The following DCLK2 variants were observed in gnomAD, a reference collection of about 807,000 sequenced individuals.
The protein encoded by DCLK2 is doublecortin like kinase 2.
DCLK2 carries 31 observed loss-of-function variants against 78.4 expected under a neutral mutation model. That is an observed-to-expected ratio of 0.40 (90% CI 0.30 to 0.53). DCLK2 has a LOEUF of 0.53. DCLK2 is among the 20% of genes least tolerant of loss of function. The probability of loss-of-function intolerance (pLI) is 0.61; values close to 1 mark genes in which losing one functional copy is unlikely to be tolerated. For missense variants in DCLK2, 872 were observed against 973.7 expected (o/e 0.90, Z 1.39); for synonymous variants, 407 against 374.9 (o/e 1.09, Z -0.99).
intron 2 of DCLK2, among the ~76,000 whole-genome samples, chr4:150,159,857 G>C (rs745308683): frequency 7.9e-5 from 12 of 152,136 alleles, no homozygotes; most frequent in Non-Finnish European, 1.8e-4. Context: ...TGCTAGAACA[G>C]GAATCCCTGG....
intron 1 of DCLK2, among the ~76,000 whole-genome samples, chr4:150,080,007 A>C (rs1580458288): frequency 6.6e-6 from 1 of 151,990 alleles, no homozygotes. Flanking sequence ...CTTGGATCAC[A>C]CTGGGGACTT....
chr4:150,252,192 G>A (rs535533920), intron 15 of DCLK2, among the ~76,000 whole-genome samples: 15 of 152,312 alleles, frequency 9.8e-5, no homozygotes, highest in South Asian at 4.1e-4. Flanking sequence ...ATTCCCTTGC[G>A]AGAGCTAGCA....
chr4:150,103,515 C>G (rs1017196412), intron 2 of DCLK2, among the ~76,000 whole-genome samples: 4 of 152,180 alleles, frequency 2.6e-5, no homozygotes, highest in Non-Finnish European at 5.9e-5. Context: ...AGCTTGGCTT[C>G]TGAAGTGTAT....
intron 2 of DCLK2, among the ~76,000 whole-genome samples, chr4:150,142,320 T>C (rs750361000): frequency 6.6e-5 from 10 of 152,184 alleles, no homozygotes; most frequent in Non-Finnish European, 1.0e-4. Flanking sequence ...GGGATAATGA[T>C]TGGGTAATTT....
At position 150,148,869 on chromosome 4, in the gene DCLK2, C is replaced by G. The variant is rs189589726; in HGVS notation, c.757-44269C>G. ...GTAACATGGTGAAACCCCGTTTCTA[C>G]TAAAAATACAAAAATTAGCCAGGCG... On this transcript the variant is annotated intron_variant, in intron 2 of 15. Transcript: ENST00000296550. 1.1e-3 allele frequency among the ~76,000 whole-genome samples: 168 copies of G among 151,300 alleles called. 1 individual carries two copies. The highest frequency in any genetic ancestry group is 4.3e-3 in the East Asian group (22 of 5,144).
intron 2 of DCLK2, among the ~76,000 whole-genome samples, chr4:150,154,742 T>C (rs538791666): frequency 9.8e-5 from 15 of 152,326 alleles, no homozygotes; most frequent in Non-Finnish European, 1.9e-4. Context: ...GGTAGGAAGC[T>C]TATTTTTTAA....
At chr4:150,220,643 A>G in intron 5 of DCLK2, 60 bp from the exon 6 acceptor site, 1 of 1,398,510 alleles carries the variant, frequency 7.2e-7, no homozygotes, top group Non-Finnish European at 1.0e-6. Flanking sequence ...GTGTCAACGG[A>G]TTAGTTAGCT....
intron 1 of DCLK2, among the ~76,000 whole-genome samples, chr4:150,089,969 C>T (rs1307864548): frequency 1.3e-5 from 2 of 152,190 alleles, no homozygotes; most frequent in African/African-American, 2.4e-5. Context: ...GTCTTTTATA[C>T]GTATGAAGTC....
intron 3 of DCLK2, among the ~76,000 whole-genome samples, chr4:150,195,218 TATTA>T (rs1738799893): frequency 2.8e-4 from 1 of 3,564 alleles, no homozygotes; most frequent in African/African-American, 1.3e-3. Context: ...TTATATACAA[TATTA>T]TATATTATAT....
At chr4:150,199,046 ACTC>A (rs1739275098) in intron 4 of DCLK2, 1 of 1,594,768 alleles carries the variant, frequency 6.3e-7, no homozygotes, top group Non-Finnish European at 8.5e-7. Context: ...GGTGGCCACT[ACTC>A]CAGTGCCTAT....
Position 150,089,440 on chromosome 4 carries a change from T to C in DCLK2, c.421+9992T>C, listed in dbSNP as rs79820411. 5.3e-3 allele frequency among the ~76,000 whole-genome samples: 814 copies of C among 152,334 alleles called. 5 individuals are homozygous for C. The highest frequency in any genetic ancestry group is 0.019 in the African/African-American group (771 of 41,572). ...AATGCACCAGTTGAAGGACTGACCC[T>C]ATATGTACTATGCCCTGTTTATTTA... is the stretch of plus-strand genomic sequence containing the variant. On this transcript the variant is annotated intron_variant, in intron 1 of 15. Transcript: ENST00000296550.
chr4:150,223,573 T>A (rs969750689), intron 7 of DCLK2, among the ~76,000 whole-genome samples: 2 of 151,954 alleles, frequency 1.3e-5, no homozygotes, highest in African/African-American at 2.4e-5. Context: ...GTGAAACCCA[T>A]CTCTACTAAA....
At chr4:150,122,560 A>T (rs887019790) in intron 2 of DCLK2, among the ~76,000 whole-genome samples, 1 of 152,138 alleles carries the variant, frequency 6.6e-6, no homozygotes, top group African/African-American at 2.4e-5. Context: ...CGATAAGAAC[A>T]CATGGACACA....
Position 150,143,290 on chromosome 4 carries a change from C to G in DCLK2, c.756+40478C>G, listed in dbSNP as rs150107144. Among the ~76,000 whole-genome samples the G allele has an allele frequency of 5.2e-3, 796 of 152,220 alleles. 5 individuals are homozygous for G. Among genetic ancestry groups the G allele is most frequent in the Non-Finnish European group, 8.5e-3 (575 of 68,018 alleles). On this transcript the variant is annotated intron_variant, in intron 2 of 15. Transcript: ENST00000296550. ...TATCACATTGTCTTTATCCGGTCAA[C>G]TGTTGATGGCACTTAGGTTGGTGTC...
intron 4 of DCLK2, chr4:150,198,941 G>C (rs1261883738): frequency 2.2e-6 from 2 of 889,672 alleles, no homozygotes; most frequent in Non-Finnish European, 3.4e-6. Context: ...AGGGCAGGTC[G>C]TTTTACCCTT....
intron 2 of DCLK2, among the ~76,000 whole-genome samples, chr4:150,176,968 C>T (rs1282943444): frequency 1.3e-5 from 2 of 152,126 alleles, no homozygotes; most frequent in South Asian, 2.1e-4. Flanking sequence ...TTTCTTTGAA[C>T]GGATATCATG....
chr4:150,156,438 G>C (rs1227411818), intron 2 of DCLK2, among the ~76,000 whole-genome samples: 1 of 151,510 alleles, frequency 6.6e-6, no homozygotes, highest in African/African-American at 2.4e-5. Flanking sequence ...CTTGATCCCA[G>C]GAGTTAAAAA....
At chr4:150,211,927 G>A (rs148165425) in intron 5 of DCLK2, among the ~76,000 whole-genome samples, 1 of 152,298 alleles carries the variant, frequency 6.6e-6, no homozygotes. Flanking sequence ...CTTTGGGACA[G>A]ATAGGCAATA....
intron 1 of DCLK2, among the ~76,000 whole-genome samples, chr4:150,079,819 G>A (rs1729115007): frequency 6.6e-6 from 1 of 152,208 alleles, no homozygotes; most frequent in African/African-American, 2.4e-5. Context: ...TGGACCCTCG[G>A]TGTGGACCCT....
Sources: gnomAD v4.1 joint callset for allele counts (sites outside exome capture counted in the v4.1 genomes callset) on GRCh38, gnomAD v4.1.1 for gene constraint, MANE v1.5 for transcripts, NCBI Gene and HGNC (gene_info 2026-07-23, HGNC 2026-07-21) for gene names.